The following SNTG2 variants were observed in gnomAD, a reference collection of about 807,000 sequenced individuals.
SNTG2 encodes gamma-2-syntrophin.
In SNTG2, 74 loss-of-function variants were observed where a neutral mutation model predicts 70.9. That is an observed-to-expected ratio of 1.04 (90% CI 0.86 to 1.27). The LOEUF (loss-of-function observed/expected upper bound fraction) is 1.27. Among genes scored for constraint, SNTG2 ranks in the 50% most tolerant of loss-of-function variants. SNTG2 has a pLI of 0.00. For missense variants in SNTG2, 717 were observed against 690.7 expected (o/e 1.04, Z -0.43); for synonymous variants, 278 against 273.8 (o/e 1.02, Z -0.15).
intron 16 of SNTG2, 62 bp downstream of exon 16, chr2:1,316,437 G>C (rs1681282384): frequency 1.2e-6 from 1 of 821,080 alleles, no homozygotes. Context: ...AGCTCAGAGG[G>C]TCCGCTGGTA....
chr2:1,240,504 T>C (rs1206870155), intron 11 of SNTG2, among the ~76,000 whole-genome samples: 1 of 152,238 alleles, frequency 6.6e-6, no homozygotes, highest in African/African-American at 2.4e-5. Flanking sequence ...TTATTTATAG[T>C]TCATTCATTT....
chr2:1,306,913 T>C (rs1377439236), intron 14 of SNTG2, among the ~76,000 whole-genome samples: 2 of 152,272 alleles, frequency 1.3e-5, no homozygotes, highest in East Asian at 3.9e-4. Context: ...ACTGTGTGTG[T>C]GCGTGTGTAA....
chr2:1,217,683 GTATGTAGAAATGTATGTACATTTCTGT>G lies in SNTG2; in HGVS notation c.719+8467_719+8493del, dbSNP rs536800988. On this transcript the variant is annotated intron_variant, in intron 9 of 16. Coordinates refer to ENST00000308624, the MANE Select transcript of SNTG2 (RefSeq NM_018968.4). ...CTATTATGTAGAAATGTAGTACATT[GTATGTAGAAATGTATGTACATTTCTGT>G]TATGTAGAAATGTCTGTTATGCAGA... Among the ~76,000 whole-genome samples the G allele has an allele frequency of 4.6e-5, 7 of 152,206 alleles. No individual in the cohort carries two copies. In the East Asian group the frequency reaches 1.4e-3, roughly 29 times the overall value.
intron 1 of SNTG2, among the ~76,000 whole-genome samples, chr2:1,012,594 G>A (rs1349522881): frequency 2.2e-5 from 3 of 136,036 alleles, no homozygotes; most frequent in Admixed American, 2.1e-4. Context: ...TATAAGGGCA[G>A]AGAGAAGGGT....
intron 14 of SNTG2, among the ~76,000 whole-genome samples, chr2:1,295,282 C>T (rs1680153583): frequency 6.6e-6 from 1 of 152,190 alleles, no homozygotes; most frequent in Non-Finnish European, 1.5e-5. Context: ...TGGAGACAGG[C>T]TTGAGGATCC....
intron 14 of SNTG2, among the ~76,000 whole-genome samples, chr2:1,283,797 C>A (rs1447912480): frequency 6.6e-6 from 1 of 152,202 alleles, no homozygotes; most frequent in African/African-American, 2.4e-5. Context: ...GTGGAGGCGG[C>A]TTTTCCTGAA....
chr2:1,340,089 T>C (rs1339434753), intron 16 of SNTG2, among the ~76,000 whole-genome samples: 1 of 152,184 alleles, frequency 6.6e-6, no homozygotes, highest in African/African-American at 2.4e-5. Flanking sequence ...CCTCTGACAA[T>C]TTTCTGTATG....
intron 1 of SNTG2, among the ~76,000 whole-genome samples, chr2:994,603 A>G (rs1287090024): frequency 6.6e-6 from 1 of 152,052 alleles, no homozygotes; most frequent in Non-Finnish European, 1.5e-5. Context: ...ATTGTATTGA[A>G]TCTGTAGATC....
At chr2:1,007,103 T>G (rs1294995490) in intron 1 of SNTG2, among the ~76,000 whole-genome samples, 3 of 152,042 alleles carry the variant, frequency 2.0e-5, no homozygotes, top group Admixed American at 1.3e-4. Context: ...GTGCATGGGT[T>G]TTTTGCAAAT....
chr2:1,341,479 G>C (rs1277650449), intron 16 of SNTG2: 1 of 152,248 alleles, frequency 6.6e-6, no homozygotes, highest in Non-Finnish European at 1.5e-5. Flanking sequence ...AGTGAAGGTT[G>C]TCTTGGCTGC....
At chr2:1,103,063 A>G (rs929749870) in intron 4 of SNTG2, among the ~76,000 whole-genome samples, 1 of 152,062 alleles carries the variant, frequency 6.6e-6, no homozygotes, top group African/African-American at 2.4e-5. Context: ...AGACCTTCAG[A>G]CCTCACACTC....
chr2:997,419 G>A (rs1454647943), intron 1 of SNTG2, among the ~76,000 whole-genome samples: 3 of 152,176 alleles, frequency 2.0e-5, no homozygotes, highest in South Asian at 2.1e-4. Flanking sequence ...ATGTAGGATT[G>A]TGCAGATAAT....
At chr2:1,168,321 C>G (rs1161652376) in intron 7 of SNTG2, among the ~76,000 whole-genome samples, 7 of 151,744 alleles carry the variant, frequency 4.6e-5, no homozygotes, top group Non-Finnish European at 7.4e-5. Context: ...GCCTACAGGC[C>G]GCCCACAGAC....
intron 16 of SNTG2, among the ~76,000 whole-genome samples, chr2:1,355,637 G>A (rs1049812317): frequency 1.3e-5 from 2 of 152,190 alleles, no homozygotes; most frequent in African/African-American, 4.8e-5. Flanking sequence ...GAGTAGTGCT[G>A]TAATGAACAG....
intron 6 of SNTG2, among the ~76,000 whole-genome samples, chr2:1,146,322 ATTAC>A (rs1669097776): frequency 6.6e-6 from 1 of 152,242 alleles, no homozygotes; most frequent in Non-Finnish European, 1.5e-5. Context: ...AAAGAAATAA[ATTAC>A]TTAGGTGTAA....
At chr2:1,260,407 A>G (rs1482244722) in intron 13 of SNTG2, among the ~76,000 whole-genome samples, 1 of 152,202 alleles carries the variant, frequency 6.6e-6, no homozygotes, top group Non-Finnish European at 1.5e-5. Flanking sequence ...TATTTGGGCA[A>G]CATTTTTCTG....
chr2:1,242,865 T>G (rs1677140817), intron 11 of SNTG2: 1 of 152,212 alleles, frequency 6.6e-6, no homozygotes, highest in African/African-American at 2.4e-5. Context: ...ATATATTTCT[T>G]TATTATAATG....
chr2:1,357,912 G>T (rs1393628335), intron 16 of SNTG2, among the ~76,000 whole-genome samples: 2 of 151,668 alleles, frequency 1.3e-5, no homozygotes, highest in Non-Finnish European at 2.9e-5. Flanking sequence ...TTATATTAGT[G>T]AGCTTGAATT....
At chr2:984,990 T>A (rs1205379903) in intron 1 of SNTG2, among the ~76,000 whole-genome samples, 1 of 152,186 alleles carries the variant, frequency 6.6e-6, no homozygotes, top group African/African-American at 2.4e-5. Flanking sequence ...GCTGCACAAT[T>A]TGCTGGGGGA....
Sources: allele counts gnomAD v4.1 joint callset (sites outside exome capture counted in the v4.1 genomes callset), GRCh38; gene constraint gnomAD v4.1.1; transcripts MANE v1.5; gene names NCBI Gene and HGNC (gene_info 2026-07-23, HGNC 2026-07-21).